MEGF10: variants seen among roughly 807,000 people sequenced by gnomAD.
MEGF10 encodes the protein multiple epidermal growth factor-like domains protein 10.
In MEGF10, 86 loss-of-function variants were observed where a neutral mutation model predicts 147.5. The observed-to-expected ratio is 0.58, with a 90% CI of 0.49 to 0.70. The LOEUF is 0.70. Among genes scored for constraint, MEGF10 ranks in the 30% least tolerant of loss-of-function variants. MEGF10 has a pLI of 0.00. For missense variants in MEGF10, 1,329 were observed against 1,487.3 expected, an observed-to-expected ratio of 0.89 and a Z score of 1.75; for synonymous variants, 478 against 525.5, an observed-to-expected ratio of 0.91 and a Z score of 1.24.
At position 127,398,811 on chromosome 5, in the gene MEGF10, C is replaced by A; in HGVS notation, c.780+15C>A. 1 of 1,613,116 alleles carries A rather than the reference C, an allele frequency of 6.2e-7. No individual in the cohort carries two copies. The highest frequency in any genetic ancestry group is 8.5e-7 in the Non-Finnish European group (1 of 1,179,782). On this transcript the variant is annotated intron_variant, in intron 7 of 24. Transcript: ENST00000503335. Reference sequence around the variant, plus strand: ...CTGGCTGGATGGTAAGCTTCCTTCCCACCTCCTCTGCCCCTGCCCCAAAGT... The same window carrying A: ...CTGGCTGGATGGTAAGCTTCCTTCCAACCTCCTCTGCCCCTGCCCCAAAGT...
chr5:127,264,560 T>A, the MEGF10 span, among the ~76,000 whole-genome samples: 1 of 150,156 alleles, frequency 6.7e-6, no homozygotes, highest in African/African-American at 2.5e-5. Context: ...TGGAACTCCT[T>A]CTCTCTGTGT....
intron 1 of MEGF10, among the ~76,000 whole-genome samples, chr5:127,303,998 A>G (rs756665087): frequency 2.6e-5 from 4 of 152,180 alleles, no homozygotes; most frequent in Non-Finnish European, 5.9e-5. Flanking sequence ...TGTATCTGAG[A>G]TTTTAATTTC....
chr5:127,319,060 C>G lies in MEGF10; in HGVS notation c.-18-12231C>G, dbSNP rs1220840162. On this transcript the variant is annotated intron_variant, in intron 1 of 24. Transcript: ENST00000503335. ...CCCTCCCTCCCTTCCTCCCTCCCTC[C>G]CTTCCTCCATCCCTTCCTTTCTCTC... 4.1e-5 allele frequency among the ~76,000 whole-genome samples: 6 copies of G among 147,220 alleles called. No individual in the cohort carries two copies. In the East Asian group the frequency reaches 1.0e-3, roughly 25 times the overall value.
chr5:127,240,020 G>A, the MEGF10 span, among the ~76,000 whole-genome samples: 2 of 152,092 alleles, frequency 1.3e-5, no homozygotes, highest in Non-Finnish European at 2.9e-5. Context: ...GATCACACAA[G>A]CCCTGCCTGA....
intron 5 of MEGF10, among the ~76,000 whole-genome samples, chr5:127,381,300 C>T (rs1200680441): frequency 6.6e-6 from 1 of 152,186 alleles, no homozygotes; most frequent in African/African-American, 2.4e-5. Context: ...TCTTCTTAGA[C>T]TCCTCTTTAA....
At chr5:127,278,563 T>C in the MEGF10 span, among the ~76,000 whole-genome samples, 2 of 152,138 alleles carry the variant, frequency 1.3e-5, no homozygotes, top group African/African-American at 2.4e-5. Flanking sequence ...GAATTAATAA[T>C]GCAGGAAAGA....
intron 9 of MEGF10, among the ~76,000 whole-genome samples, chr5:127,413,675 A>G (rs1764655006): frequency 1.3e-5 from 2 of 152,188 alleles, no homozygotes; most frequent in Admixed American, 1.3e-4. Context: ...TCACCCTTCA[A>G]CCTCCAAACT....
chr5:127,280,546 T>C, the MEGF10 span, among the ~76,000 whole-genome samples: 1 of 152,206 alleles, frequency 6.6e-6, no homozygotes, highest in Admixed American at 6.5e-5. Context: ...TCTCCTGTAG[T>C]ATGTATTTGT....
intron 3 of MEGF10, among the ~76,000 whole-genome samples, chr5:127,339,723 G>T (rs1165036526): frequency 6.6e-6 from 1 of 152,016 alleles, no homozygotes; most frequent in Non-Finnish European, 1.5e-5. Flanking sequence ...TAATTTTATT[G>T]GTAGTATACT....
At chr5:127,410,323 A>G (rs1420376860) in intron 8 of MEGF10, 66 bp from the exon 9 acceptor site, 1 of 1,491,360 alleles carries the variant, frequency 6.7e-7, no homozygotes, top group East Asian at 2.3e-5. Flanking sequence ...GCCATTCCAA[A>G]TTAACTGTTT....
At chr5:127,316,282 C>T (rs1561566033) in intron 1 of MEGF10, among the ~76,000 whole-genome samples, 1 of 152,098 alleles carries the variant, frequency 6.6e-6, no homozygotes, top group Non-Finnish European at 1.5e-5. Flanking sequence ...ATATGAATAC[C>T]ATGCCTGCAA....
the MEGF10 span, among the ~76,000 whole-genome samples, chr5:127,238,165 C>T: frequency 4.0e-5 from 6 of 151,826 alleles, no homozygotes; most frequent in African/African-American, 1.4e-4. Context: ...AAGCAATTCT[C>T]CTGCCTCAGC....
intron 13 of MEGF10, among the ~76,000 whole-genome samples, chr5:127,429,448 C>T (rs1276833510): frequency 6.6e-6 from 1 of 152,294 alleles, no homozygotes; most frequent in East Asian, 1.9e-4. Context: ...TGCTCCATCC[C>T]ATTGGAAAGT....
intron 24 of MEGF10, among the ~76,000 whole-genome samples, chr5:127,455,832 C>T (rs567178553): frequency 6.6e-5 from 10 of 152,046 alleles, no homozygotes; most frequent in South Asian, 2.1e-4. Context: ...CTCTACCTCC[C>T]GGGCTCAAGC....
intron 5 of MEGF10, among the ~76,000 whole-genome samples, chr5:127,379,708 T>C (rs1318217605): frequency 6.6e-6 from 1 of 151,788 alleles, no homozygotes; most frequent in Non-Finnish European, 1.5e-5. Flanking sequence ...CAAGTGATTC[T>C]TGTCTCTCAG....
intron 1 of MEGF10, among the ~76,000 whole-genome samples, chr5:127,322,494 G>A (rs1449460053): frequency 6.6e-6 from 1 of 152,156 alleles, no homozygotes; most frequent in East Asian, 1.9e-4. Flanking sequence ...GGTTGTAAGT[G>A]CTTTCTGAAT....
chr5:127,350,760 A>G (rs1379099066), intron 4 of MEGF10, among the ~76,000 whole-genome samples: 1 of 152,184 alleles, frequency 6.6e-6, no homozygotes, highest in Non-Finnish European at 1.5e-5. Flanking sequence ...TTTGTTGTAT[A>G]TATATTTTTT....
chr5:127,274,431 T>A, the MEGF10 span, among the ~76,000 whole-genome samples: 12 of 152,274 alleles, frequency 7.9e-5, no homozygotes, highest in African/African-American at 2.4e-4. Context: ...TATTTCAATT[T>A]TTTGGAGATC....
At chr5:127,239,151 C>T in the MEGF10 span, among the ~76,000 whole-genome samples, 3 of 151,872 alleles carry the variant, frequency 2.0e-5, no homozygotes, top group Admixed American at 6.6e-5. Context: ...CGCTGAGGAA[C>T]GCTTGAGATT....
Sources: allele counts gnomAD v4.1 joint callset (sites outside exome capture counted in the v4.1 genomes callset), GRCh38; gene constraint gnomAD v4.1.1; transcripts MANE v1.5; gene names NCBI Gene and HGNC (gene_info 2026-07-23, HGNC 2026-07-21).